Variants in ZBTB20 observed in about 807,000 individuals in gnomAD.
ZBTB20 encodes the protein zinc finger and BTB domain-containing protein 20.
A neutral mutation model predicts 56.9 loss-of-function variants in ZBTB20; 9 were observed. That is an observed-to-expected ratio of 0.16 (90% CI 0.10 to 0.28). ZBTB20 has a LOEUF of 0.28. Among genes scored for constraint, ZBTB20 ranks in the 10% least tolerant of loss-of-function variants. ZBTB20 has a pLI of 1.00. For missense variants in ZBTB20, 655 were observed against 1,003.0 expected (o/e 0.65, Z 4.69); for synonymous variants, 417 against 420.7 (o/e 0.99, Z 0.11).
At chr3:114,946,106 T>C (rs1335764198) in intron 3 of ZBTB20, among the ~76,000 whole-genome samples, 1 of 145,480 alleles carries the variant, frequency 6.9e-6, no homozygotes, top group Non-Finnish European at 1.5e-5. Context: ...ATGATAGAAC[T>C]TGGTAAAAAG....
At chr3:114,608,955 A>G (rs1577929994) in intron 6 of ZBTB20, among the ~76,000 whole-genome samples, 1 of 152,184 alleles carries the variant, frequency 6.6e-6, no homozygotes, top group African/African-American at 2.4e-5. Context: ...AGGAAAAGAA[A>G]CCACCATATT....
Position 115,040,247 on chromosome 3 carries a change from T to G in ZBTB20, c.-507+30972A>C, listed in dbSNP as rs145612008. Among the ~76,000 whole-genome samples, 373 of 152,230 alleles carry G rather than the reference T, an allele frequency of 2.5e-3. 2 individuals are homozygous for G. The highest frequency in any genetic ancestry group is 8.2e-3 in the African/African-American group (341 of 41,564). ...TCAGAGCCTGGTATGTGCCAAAGACTGCAAAGTGGCATACAAAAAGAAAGA... is the reference window on the plus strand; with the variant it reads ...TCAGAGCCTGGTATGTGCCAAAGACGGCAAAGTGGCATACAAAAAGAAAGA... On this transcript the variant is annotated intron_variant, in intron 2 of 11. Transcript: ENST00000675478.
intron 4 of ZBTB20, among the ~76,000 whole-genome samples, chr3:114,845,543 C>G (rs1007705504): frequency 6.6e-6 from 1 of 151,560 alleles, no homozygotes; most frequent in Non-Finnish European, 1.5e-5. Context: ...CTATATGAAC[C>G]CCTGCAAATA....
At chr3:114,379,043 C>G (rs910699723) in intron 10 of ZBTB20, 1 of 152,256 alleles carries the variant, frequency 6.6e-6, no homozygotes, top group African/African-American at 2.4e-5. Flanking sequence ...GCCGCCAGCT[C>G]ATTTCCCTCT....
Position 114,632,292 on chromosome 3 carries a change from C to T in ZBTB20, c.-295+61236G>A, listed in dbSNP as rs754777777. On this transcript the variant is annotated intron_variant, in intron 6 of 11. Coordinates refer to ENST00000675478, the MANE Select transcript of ZBTB20 (RefSeq NM_001348800.3). ...ATGATTTCCTTTTGTTTGTGCTATG[C>T]GTGAGTACTGAGGATAAATTTAATG... Among the ~76,000 whole-genome samples the T allele has an allele frequency of 4.6e-5, 7 of 152,108 alleles. No homozygotes were observed. In the South Asian group the frequency reaches 6.2e-4, roughly 14 times the overall value.
At chr3:114,741,858 G>A (rs899253959) in intron 5 of ZBTB20, among the ~76,000 whole-genome samples, 7 of 149,860 alleles carry the variant, frequency 4.7e-5, no homozygotes, top group Non-Finnish European at 1.0e-4. Flanking sequence ...TCCAGCCTGG[G>A]TGACAGAGCA....
chr3:114,363,785 A>G (rs1222761448), intron 10 of ZBTB20, among the ~76,000 whole-genome samples: 1 of 152,324 alleles, frequency 6.6e-6, no homozygotes, highest in East Asian at 1.9e-4. Flanking sequence ...CAGCCAACAA[A>G]TATGTTCTGA....
At chr3:114,601,887 C>T (rs1297698345) in intron 6 of ZBTB20, among the ~76,000 whole-genome samples, 1 of 152,010 alleles carries the variant, frequency 6.6e-6, no homozygotes, top group Admixed American at 6.6e-5. Context: ...CATGAGAGTT[C>T]GAGTGCCAAC....
At chr3:114,355,930 G>T (rs1334234229) in intron 10 of ZBTB20, 2 of 151,960 alleles carry the variant, frequency 1.3e-5, no homozygotes, top group African/African-American at 2.4e-5. Context: ...TGTATTTGGG[G>T]ATTCTTCCCC....
At chr3:114,465,435 G>A (rs745585477) in intron 7 of ZBTB20, among the ~76,000 whole-genome samples, 3 of 152,138 alleles carry the variant, frequency 2.0e-5, no homozygotes, top group Non-Finnish European at 4.4e-5. Context: ...GGCCAGGTGC[G>A]GTGGCTCATG....
intron 10 of ZBTB20, among the ~76,000 whole-genome samples, chr3:114,371,668 C>T (rs1421405301): frequency 6.6e-6 from 1 of 152,060 alleles, no homozygotes; most frequent in Admixed American, 6.5e-5. Flanking sequence ...TAAGTTTGTC[C>T]AGAAGCAGAC....
chr3:114,759,425 T>C (rs572107802), intron 5 of ZBTB20, among the ~76,000 whole-genome samples: 11 of 152,114 alleles, frequency 7.2e-5, no homozygotes, highest in Non-Finnish European at 1.6e-4. Context: ...GTCCACCAAT[T>C]TGTATTCAGA....
intron 2 of ZBTB20, among the ~76,000 whole-genome samples, chr3:115,010,653 T>C (rs1176162428): frequency 6.6e-6 from 1 of 151,970 alleles, no homozygotes; most frequent in Admixed American, 6.6e-5. Context: ...TTCAAATATC[T>C]GGAACATCTT....
intron 4 of ZBTB20, among the ~76,000 whole-genome samples, chr3:114,860,562 TC>T (rs1414294825): frequency 6.6e-6 from 1 of 152,192 alleles, no homozygotes; most frequent in Non-Finnish European, 1.5e-5. Context: ...CAGATAGCCC[TC>T]ATACTCAATG....
chr3:114,911,416 GCTCT>G (rs149921647), intron 3 of ZBTB20, among the ~76,000 whole-genome samples: 2,064 of 152,044 alleles, frequency 0.014, 48 homozygotes, highest in African/African-American at 0.046. Context: ...CCTCTTGGCT[GCTCT>G]CTCAGAGCAG....
intron 2 of ZBTB20, among the ~76,000 whole-genome samples, chr3:115,016,147 AC>A (rs1407468169): frequency 1.3e-5 from 2 of 152,112 alleles, no homozygotes; most frequent in African/African-American, 4.8e-5. Context: ...TGCTCTGCCC[AC>A]TTTTTAATGG....
chr3:115,146,155 T>C (rs1040799880), intron 1 of ZBTB20, among the ~76,000 whole-genome samples: 2 of 152,240 alleles, frequency 1.3e-5, no homozygotes, highest in African/African-American at 4.8e-5. Flanking sequence ...ATTGGAGAGC[T>C]GTCATCCTGC....
At chr3:114,829,212 A>G (rs2073708470) in intron 4 of ZBTB20, among the ~76,000 whole-genome samples, 1 of 151,872 alleles carries the variant, frequency 6.6e-6, no homozygotes, top group South Asian at 2.1e-4. Context: ...ATTTCATCCA[A>G]GTGGGTTGTC....
At chr3:114,731,967 T>C (rs531837522) in intron 5 of ZBTB20, among the ~76,000 whole-genome samples, 18 of 152,154 alleles carry the variant, frequency 1.2e-4, no homozygotes, top group Non-Finnish European at 2.5e-4. Flanking sequence ...CTAGATTAGT[T>C]ACTAATCTGT....
Sources: allele counts gnomAD v4.1 joint callset (sites outside exome capture counted in the v4.1 genomes callset), GRCh38; gene constraint gnomAD v4.1.1; transcripts MANE v1.5; gene names NCBI Gene and HGNC (gene_info 2026-07-23, HGNC 2026-07-21).